The following RPS6KA2 variants were observed in gnomAD, a reference collection of about 807,000 sequenced individuals.
RPS6KA2 encodes the protein ribosomal protein S6 kinase alpha-2.
Under a neutral mutation model 91.8 loss-of-function variants are expected in RPS6KA2, and 42 were observed. The ratio of observed to expected loss-of-function variants is 0.46; its 90% confidence interval spans 0.36 to 0.59. RPS6KA2 has a LOEUF of 0.59. Ranked by LOEUF, RPS6KA2 falls within the 20% of genes least tolerant of loss-of-function variation. RPS6KA2 has a pLI of 0.00. For synonymous variants in RPS6KA2, 414 were observed against 393.6 expected (o/e 1.05, Z -0.61); for missense variants, 798 against 978.5 (o/e 0.82, Z 2.46).
At chr6:166,846,334 G>A (rs1199180895) in intron 2 of RPS6KA2, among the ~76,000 whole-genome samples, 1 of 152,126 alleles carries the variant, frequency 6.6e-6, no homozygotes. Flanking sequence ...GATAGAGAAG[G>A]AGGGAATCCT....
At chr6:166,748,638 ATCCCCTTGGG>A (rs1791126265) in intron 2 of RPS6KA2, among the ~76,000 whole-genome samples, 1 of 64,216 alleles carries the variant, frequency 1.6e-5, no homozygotes, top group Non-Finnish European at 2.7e-5. Flanking sequence ...TCAGGCCCCC[ATCCCCTTGGG>A]CCCCCACCTC....
In RPS6KA2 at chr6:166,432,454, T is replaced by C; in HGVS notation, c.1369A>G (p.Ile457Val). The C allele has an allele frequency of 6.2e-7, 1 of 1,613,800 alleles. No homozygotes were observed. Among genetic ancestry groups the C allele is most frequent in the Non-Finnish European group, 8.5e-7 (1 of 1,179,752 alleles). Residue 457 changes from isoleucine (I) to valine (V), a missense_variant, in exon 15 of 21, where the codon ATT (isoleucine) becomes GTT (valine). By Grantham distance (29) the Ile-to-Val change is conservative. Transcript: ENST00000265678. ...DKSKRDPSEE[I>V]EILLRYGQHP... is the part of the protein sequence containing the mutation. ...TGGCCGTACCGCAGGAGGATCTCAA[T>C]CTCTTCCGAGGGGTCTCTCTTGCTC... is the stretch of plus-strand genomic sequence containing the variant.
In RPS6KA2 at chr6:166,434,270, T is replaced by C. The variant is rs930751521; in HGVS notation, c.1333-1780A>G. Among the ~76,000 whole-genome samples, 4 of 152,350 alleles carry C rather than the reference T, an allele frequency of 2.6e-5. No homozygotes were observed. In the South Asian group the frequency reaches 6.2e-4, roughly 24 times the overall value. On this transcript the variant is annotated intron_variant, in intron 14 of 20. Coordinates refer to ENST00000265678, the MANE Select transcript of RPS6KA2 (RefSeq NM_021135.6). This position sits in a 1 kb window ranked among gnomAD's most constrained non-coding sequence, Gnocchi z 4.4. ...GTGGCCCATGATCTGTGAGTCCTAA[T>C]AGCCTGCGTTGTAAACAGGCAGAAG... is the stretch of plus-strand genomic sequence containing the variant.
In RPS6KA2 at chr6:166,627,140, T is replaced by G. The variant is rs978856710; in HGVS notation, c.-121A>C. 1.8e-6 allele frequency: 2 copies of G among 1,136,440 alleles called. No individual in the cohort carries two copies. Among genetic ancestry groups the G allele is most frequent in the African/African-American group, 3.3e-5 (2 of 60,838 alleles). The allele number at this position is 1,136,440 out of a possible 1,614,324, so 70.4% of individuals were successfully genotyped here. ...GCCAGGGAGCCCGGCACGGCGGCCA[T>G]GGGCGCGGGGCGTGGGGCGCGAGCT... On this transcript the variant is annotated 5_prime_UTR_variant, in exon 1 of 21. An upstream start codon of the reference 5' UTR is lost. Transcript: ENST00000265678.
chr6:166,443,100 G>A (rs1185177634), intron 14 of RPS6KA2, among the ~76,000 whole-genome samples: 1 of 151,976 alleles, frequency 6.6e-6, no homozygotes, highest in African/African-American at 2.4e-5. Flanking sequence ...ATTATATACT[G>A]TATTAAGAAT....
intron 2 of RPS6KA2, among the ~76,000 whole-genome samples, chr6:166,793,441 T>C (rs968017895): frequency 1.3e-5 from 2 of 150,598 alleles, no homozygotes; most frequent in African/African-American, 4.9e-5. Flanking sequence ...AGGTGATTTA[T>C]AGATTCAATG....
In RPS6KA2 at chr6:166,588,813, C is replaced by T. The variant is rs556010830; in HGVS notation, c.99+38108G>A. 3.7e-4 allele frequency among the ~76,000 whole-genome samples: 56 copies of T among 152,264 alleles called. No homozygotes were observed. In the South Asian group the frequency reaches 6.6e-3, roughly 18 times the overall value. On this transcript the variant is annotated intron_variant, in intron 1 of 20. Coordinates refer to ENST00000265678, the MANE Select transcript of RPS6KA2 (RefSeq NM_021135.6). ...GCAGTCGCACATGACAGACAGGGTG[C>T]GGCAGCCAATGGCCCTCCGTGCTCA...
intron 1 of RPS6KA2, among the ~76,000 whole-genome samples, chr6:166,560,526 A>G (rs916501512): frequency 2.0e-5 from 3 of 152,242 alleles, no homozygotes; most frequent in African/African-American, 7.2e-5. Flanking sequence ...AAGATATGTG[A>G]TCAGAATTCA....
At chr6:166,788,395 A>T (rs1159652646) in intron 2 of RPS6KA2, among the ~76,000 whole-genome samples, 1 of 152,232 alleles carries the variant, frequency 6.6e-6, no homozygotes, top group Non-Finnish European at 1.5e-5. Context: ...ACCTATGTTT[A>T]TTGCAGCACT....
chr6:166,817,121 T>C (rs1396285744), intron 2 of RPS6KA2, among the ~76,000 whole-genome samples: 5 of 152,182 alleles, frequency 3.3e-5, no homozygotes, highest in African/African-American at 9.7e-5. Flanking sequence ...AGAAAATATA[T>C]ATTTCTTTGT....
At position 166,491,936 on chromosome 6, in the gene RPS6KA2, A is replaced by G. The variant is rs186447779; in HGVS notation, c.748-1195T>C. The stretch of plus-strand genomic sequence containing the variant: ...GATGAAATCTTTGTAATATCACTTA[A>G]CAAACATGGATATGACAAAATGTAT... On this transcript the variant is annotated intron_variant, in intron 8 of 20. Transcript: ENST00000265678. Among the ~76,000 whole-genome samples the G allele has an allele frequency of 7.5e-3, 1,143 of 152,326 alleles. 20 individuals are homozygous for G. Among genetic ancestry groups the G allele is most frequent in the Admixed American group, 0.036 (557 of 15,296 alleles).
At chr6:166,633,822 C>T (rs1355766132) in intron 2 of RPS6KA2, among the ~76,000 whole-genome samples, 2 of 152,156 alleles carry the variant, frequency 1.3e-5, no homozygotes, top group African/African-American at 4.8e-5. Flanking sequence ...AAGATCATCA[C>T]GGGCTAGTGA....
In RPS6KA2 at chr6:166,767,144, G is replaced by A. The variant is rs1015098295; in HGVS notation, c.123+91056C>T. ...AAGCCAGCTCCACCATGGAATTTTT[G>A]TCTCTGAAAACAGACTGAAGAACCA... On this transcript the variant is annotated intron_variant, in intron 2 of 21. Transcript: ENST00000503859. This position sits in a 1 kb window ranked among gnomAD's most constrained non-coding sequence, Gnocchi z 4.6. Among the ~76,000 whole-genome samples, 14 of 152,186 alleles carry A rather than the reference G, an allele frequency of 9.2e-5. No homozygotes were observed. The highest frequency in any genetic ancestry group is 5.9e-5 in the Non-Finnish European group (4 of 68,030).
intron 2 of RPS6KA2, among the ~76,000 whole-genome samples, chr6:166,709,593 CAAAG>C (rs1342975881): frequency 6.6e-6 from 1 of 152,188 alleles, no homozygotes; most frequent in Non-Finnish European, 1.5e-5. Flanking sequence ...GTCAGAATCT[CAAAG>C]GAAGTTGGTC....
chr6:166,501,207 G>C lies in RPS6KA2; in HGVS notation c.567-283C>G, dbSNP rs138468361. Among the ~76,000 whole-genome samples the C allele has an allele frequency of 2.2e-3, 339 of 152,330 alleles. 3 individuals carry two copies. The highest frequency in any genetic ancestry group is 7.8e-3 in the African/African-American group (323 of 41,574). ...GACTGCTGGCTTTAGATATTCGTGG[G>C]TCCCCAGGGAAGGTCTAAGAGCCCT... On this transcript the variant is annotated intron_variant, in intron 6 of 20. Coordinates refer to ENST00000265678, the MANE Select transcript of RPS6KA2 (RefSeq NM_021135.6).
intron 2 of RPS6KA2, among the ~76,000 whole-genome samples, chr6:166,848,385 T>C (rs1474364326): frequency 6.6e-6 from 1 of 152,226 alleles, no homozygotes; most frequent in African/African-American, 2.4e-5. Context: ...GATCTACCAT[T>C]TGATCCAGCA....
intron 1 of RPS6KA2, among the ~76,000 whole-genome samples, chr6:166,623,171 G>A (rs1219884675): frequency 6.6e-6 from 1 of 152,190 alleles, no homozygotes; most frequent in African/African-American, 2.4e-5. Context: ...CTCTGGCTTT[G>A]GTAACTCCAA....
At chr6:166,745,076 G>C (rs1263258081) in intron 2 of RPS6KA2, among the ~76,000 whole-genome samples, 1 of 152,004 alleles carries the variant, frequency 6.6e-6, no homozygotes, top group Non-Finnish European at 1.5e-5. Context: ...TTGCTCTTTG[G>C]CTTTGGAGAC....
At chr6:166,483,264 A>G (rs897098761) in intron 10 of RPS6KA2, among the ~76,000 whole-genome samples, 2 of 152,198 alleles carry the variant, frequency 1.3e-5, no homozygotes, top group African/African-American at 4.8e-5. Context: ...AAAAGGAGGG[A>G]CAGGGCCCAT....
Sources: allele counts gnomAD v4.1 joint callset (sites outside exome capture counted in the v4.1 genomes callset), GRCh38; gene constraint gnomAD v4.1.1; non-coding constraint Gnocchi (gnomAD v3.1); transcripts MANE v1.5; gene names NCBI Gene and HGNC (gene_info 2026-07-23, HGNC 2026-07-21).